ZNF215: variants seen among roughly 807,000 people sequenced by gnomAD.
ZNF215 encodes the protein zinc finger protein 215, also known as BWSCR2-associated zinc finger protein 2.
ZNF215 carries 24 observed loss-of-function variants against 27.2 expected under a neutral mutation model. The ratio of observed to expected loss-of-function variants is 0.88; its 90% CI spans 0.64 to 1.24. The LOEUF is 1.24. ZNF215 is among the 50% of genes most tolerant of loss of function. The probability of loss-of-function intolerance (pLI) is 0.00; values close to 1 mark genes in which losing one functional copy is unlikely to be tolerated. For synonymous variants in ZNF215, 210 were observed against 204.0 expected (o/e 1.03, Z -0.25); for missense variants, 675 against 605.7 (o/e 1.11, Z -1.20).
chr11:6,966,885 C>T (rs1303046879), intron 5 of ZNF215, among the ~76,000 whole-genome samples: 2 of 151,760 alleles, frequency 1.3e-5, no homozygotes, highest in Admixed American at 6.6e-5. Context: ...TACGTATACA[C>T]GTGCCATGGT....
intron 5 of ZNF215, among the ~76,000 whole-genome samples, chr11:6,983,746 TG>T (rs1018528018): frequency 3.3e-5 from 5 of 152,070 alleles, no homozygotes; most frequent in African/African-American, 1.2e-4. Flanking sequence ...AAAAATAAAC[TG>T]GGAGAAATAG....
rs765081139 is a variant in ZNF215, at chr11:6,932,326, A to C, written c.54A>C (p.Leu18=). 1 of 1,614,174 alleles carries C rather than the reference A, an allele frequency of 6.2e-7. No homozygotes were observed. Among genetic ancestry groups the C allele is most frequent in the Admixed American group, 1.7e-5 (1 of 60,020 alleles). The change falls in exon 3 of 7, where the codon CTA becomes CTC. Residue 18 remains leucine (L), a synonymous_variant. Transcript: ENST00000278319. ...MAISKPRNLS[L]REQREVLRAD... The stretch of plus-strand genomic sequence containing the variant: ...TCTCAAAACCTCGAAACCTGTCTCT[A>C]CGTGAACAAAGAGAGGTTCTGAGAG...
chr11:6,953,109 T>C lies in ZNF215; in HGVS notation c.713-2581T>C, dbSNP rs977954296. ...GAGTTTCTGCCAAGAGATCCGCTGT[T>C]AGTCTGATGGGCTTCCCTTTGTGGG... On this transcript the variant is annotated intron_variant, in intron 6 of 6. Coordinates refer to ENST00000278319, the MANE Select transcript of ZNF215 (RefSeq NM_013250.4). 2.0e-5 allele frequency among the ~76,000 whole-genome samples: 3 copies of C among 152,220 alleles called. 1 individual carries two copies. Among genetic ancestry groups the C allele is most frequent in the Middle Eastern group, 6.3e-3 (2 of 316 alleles).
intron 5 of ZNF215, among the ~76,000 whole-genome samples, chr11:6,979,637 T>C (rs913657718): frequency 6.6e-6 from 1 of 152,164 alleles, no homozygotes; most frequent in African/African-American, 2.4e-5. Flanking sequence ...GTAGCATGTT[T>C]AAATGTCCTA....
chr11:6,979,049 T>G (rs1250846648), intron 5 of ZNF215, among the ~76,000 whole-genome samples: 1 of 152,010 alleles, frequency 6.6e-6, no homozygotes, highest in Non-Finnish European at 1.5e-5. Flanking sequence ...TTTATGCTGT[T>G]TTAAAGCTCT....
intron 2 of ZNF215, among the ~76,000 whole-genome samples, chr11:6,931,512 C>T (rs1590044041): frequency 6.6e-6 from 1 of 152,008 alleles, no homozygotes; most frequent in African/African-American, 2.4e-5. Flanking sequence ...CTAAGACATC[C>T]CTGGTGGGCA....
At chr11:6,971,560 AAC>A (rs1322616950) in intron 5 of ZNF215, among the ~76,000 whole-genome samples, 7 of 152,200 alleles carry the variant, frequency 4.6e-5, no homozygotes, top group Admixed American at 4.6e-4. Context: ...TCATAGAGAA[AAC>A]ACAAAATGGA....
exon 6 of ZNF215, chr11:6,984,159 A>G: frequency 2.6e-6 from 1 of 390,304 alleles, no homozygotes. Context: ...CCCAGGCTGG[A>G]GTATAATGAT....
chr11:6,944,034 G>C (rs1344606608), intron 6 of ZNF215, among the ~76,000 whole-genome samples: 1 of 152,194 alleles, frequency 6.6e-6, no homozygotes, highest in African/African-American at 2.4e-5. Flanking sequence ...CCAGCACTTT[G>C]GAAGGCGGAG....
intron 5 of ZNF215, among the ~76,000 whole-genome samples, chr11:6,965,534 CTG>C (rs1850601384): frequency 6.6e-6 from 1 of 152,102 alleles, no homozygotes; most frequent in African/African-American, 2.4e-5. Context: ...CTTAAAAATA[CTG>C]TGTCTTGCAA....
intron 5 of ZNF215, among the ~76,000 whole-genome samples, chr11:6,963,704 T>C (rs912384003): frequency 3.3e-5 from 5 of 152,116 alleles, no homozygotes; most frequent in African/African-American, 1.2e-4. Flanking sequence ...GATAAGAAAC[T>C]GTCAAACTAT....
intron 5 of ZNF215, among the ~76,000 whole-genome samples, chr11:6,966,030 CTT>C (rs970050445): frequency 1.3e-4 from 20 of 152,100 alleles, no homozygotes; most frequent in African/African-American, 4.3e-4. Flanking sequence ...CCAGTGAAGT[CTT>C]TAGGCTTTGA....
chr11:6,985,856 A>G (rs887570235), downstream of ZNF215, among the ~76,000 whole-genome samples: 3 of 152,174 alleles, frequency 2.0e-5, no homozygotes, highest in Admixed American at 1.3e-4. Flanking sequence ...TACAAGGAGA[A>G]TTACAAAACA....
intron 6 of ZNF215, 49 bp from the exon 7 acceptor site, chr11:6,955,641 A>T: frequency 6.6e-7 from 1 of 1,518,852 alleles, no homozygotes. Flanking sequence ...TCCATTTCCT[A>T]TTGAAGCAGT....
intron 5 of ZNF215, among the ~76,000 whole-genome samples, chr11:6,964,889 T>G (rs1399569705): frequency 6.6e-6 from 1 of 152,086 alleles, no homozygotes; most frequent in African/African-American, 2.4e-5. Flanking sequence ...TGAAATAACA[T>G]TCTCAAATGA....
intron 6 of ZNF215, among the ~76,000 whole-genome samples, chr11:6,946,389 T>A (rs1849815999): frequency 2.0e-5 from 3 of 152,216 alleles, no homozygotes; most frequent in Admixed American, 2.0e-4. Context: ...TCACTCTTTG[T>A]ACTCAAGCCA....
intron 5 of ZNF215, among the ~76,000 whole-genome samples, chr11:6,966,533 A>C (rs138413856): frequency 3.3e-5 from 5 of 152,108 alleles, no homozygotes; most frequent in Non-Finnish European, 7.4e-5. Flanking sequence ...TAAGTTGTGG[A>C]ATCTATAGGC....
chr11:6,953,316 G>A (rs1343105481), intron 6 of ZNF215, among the ~76,000 whole-genome samples: 1 of 152,162 alleles, frequency 6.6e-6, no homozygotes, highest in Non-Finnish European at 1.5e-5. Context: ...CCTGGAAAAT[G>A]TCTTGCAGAG....
At chr11:6,974,270 C>T (rs1177574960) in intron 5 of ZNF215, among the ~76,000 whole-genome samples, 1 of 152,096 alleles carries the variant, frequency 6.6e-6, no homozygotes, top group Non-Finnish European at 1.5e-5. Flanking sequence ...GTTTTGGTAC[C>T]AGTACCATGC....
Sources: gnomAD v4.1 joint callset for allele counts (sites outside exome capture counted in the v4.1 genomes callset) on GRCh38, gnomAD v4.1.1 for gene constraint, MANE v1.5 for transcripts, NCBI Gene and HGNC (gene_info 2026-07-23, HGNC 2026-07-21) for gene names.